The following FGFR1 variants were observed in gnomAD, a reference collection of about 807,000 sequenced individuals.
FGFR1 encodes FGFR1/PLAG1 fusion.
FGFR1 carries 18 observed loss-of-function variants against 93.7 expected under a neutral mutation model. That is an observed-to-expected ratio of 0.19 (90% CI 0.13 to 0.28). The LOEUF is 0.28. Ranked by LOEUF, FGFR1 falls within the 10% of genes least tolerant of loss-of-function variation. FGFR1 has a pLI of 1.00. For synonymous variants in FGFR1, 448 were observed against 429.3 expected, an observed-to-expected ratio of 1.04 and a Z score of -0.54; for missense variants, 731 against 1,080.4, an observed-to-expected ratio of 0.68 and a Z score of 4.53.
chr8:38,439,970 C>T (rs1826829847), intron 2 of FGFR1, among the ~76,000 whole-genome samples: 1 of 152,188 alleles, frequency 6.6e-6, no homozygotes. Flanking sequence ...AACTGGCCCC[C>T]AACAAAATCC....
rs2150920643 is a variant in FGFR1, at chr8:38,428,099, C to T, written c.449-6G>A. On this transcript the variant is annotated splice_polypyrimidine_tract_variant and splice_region_variant and intron_variant, in intron 4 of 17. Coordinates refer to ENST00000447712, the MANE Select transcript of FGFR1 (RefSeq NM_023110.3). ...TGTCCAATATGGAGCTACGGCTGCC[C>T]GGGGAAAGCCAAGAGAGACAGGCAG... The T allele has an allele frequency of 6.2e-7, 1 of 1,613,940 alleles. No homozygotes were observed. Among genetic ancestry groups the T allele is most frequent in the Non-Finnish European group, 8.5e-7 (1 of 1,180,028 alleles).
chr8:38,423,945 C>T (rs1338586756), intron 7 of FGFR1: 1 of 180,032 alleles, frequency 5.6e-6, no homozygotes, highest in African/African-American at 2.4e-5. Flanking sequence ...GAGATTTAGG[C>T]AATTACCTTC....
At chr8:38,461,258 A>C in intron 1 of FGFR1, 1 of 807,956 alleles carries the variant, frequency 1.2e-6, no homozygotes, top group Non-Finnish European at 1.9e-6. Flanking sequence ...TCCCACTTCT[A>C]AGAGAAAAAC....
chr8:38,432,956 C>G (rs907007133), intron 2 of FGFR1, among the ~76,000 whole-genome samples: 1 of 149,436 alleles, frequency 6.7e-6, no homozygotes, highest in East Asian at 2.0e-4. Context: ...CTGCATCCTC[C>G]CTGGCATGGC....
In FGFR1 at chr8:38,426,884, G is replaced by A. The variant is rs1586326164; in HGVS notation, c.622-639C>T. On this transcript the variant is annotated intron_variant, in intron 5 of 17. Coordinates refer to ENST00000447712, the MANE Select transcript of FGFR1 (RefSeq NM_023110.3). The surrounding 1 kb of genome is among the most constrained non-coding windows in gnomAD (Gnocchi z 4.1). Reference sequence around the variant, plus strand: ...TCCCAGCTCTTTGGGAGGCCCAGGCGGACAGATCACTTGAGGTCATGAGTT... The same window carrying A: ...TCCCAGCTCTTTGGGAGGCCCAGGCAGACAGATCACTTGAGGTCATGAGTT... 6.6e-6 allele frequency among the ~76,000 whole-genome samples: 1 copy of A among 152,136 alleles called. No homozygotes were observed. Among genetic ancestry groups the A allele is most frequent in the Admixed American group, 6.5e-5 (1 of 15,268 alleles).
chr8:38,414,386 G>A, intron 15 of FGFR1, 97 bp from the exon 16 acceptor site: 5 of 1,588,342 alleles, frequency 3.1e-6, no homozygotes, highest in Non-Finnish European at 4.3e-6. Flanking sequence ...GAGACAGCAT[G>A]GAGAACAGAT....
chr8:38,422,781 C>T (rs1246488507), intron 7 of FGFR1: 10 of 494,878 alleles, frequency 2.0e-5, no homozygotes, highest in Admixed American at 1.5e-4. Flanking sequence ...ACCGTGTCCC[C>T]GTGAGTCCTC....
Position 38,424,146 on chromosome 8 carries a change from G to A in FGFR1, c.936+363C>T. 7.2e-6 allele frequency: 3 copies of A among 417,512 alleles called. No individual in the cohort carries two copies. The highest frequency in any genetic ancestry group is 2.1e-5 in the South Asian group (1 of 47,966). The allele number at this position is 417,512 out of a possible 1,614,324, so 25.9% of individuals were successfully genotyped here. On this transcript the variant is annotated intron_variant, in intron 7 of 17. Transcript: ENST00000447712. The surrounding 1 kb of genome is among the most constrained non-coding windows in gnomAD (Gnocchi z 4.3). ...AAGATCGTACGTAACTCAGGACACA[G>A]GGCTAAGACTGGGAAACGCTTGGTG...
intron 1 of FGFR1, chr8:38,466,209 G>A (rs1019285599): frequency 1.7e-5 from 4 of 232,310 alleles, no homozygotes; most frequent in Non-Finnish European, 3.4e-5. Flanking sequence ...GAGCGCCTCT[G>A]GCAGCAGCCG....
chr8:38,448,900 A>T (rs1232482688), intron 2 of FGFR1, among the ~76,000 whole-genome samples: 2 of 152,208 alleles, frequency 1.3e-5, no homozygotes, highest in Non-Finnish European at 2.9e-5. Context: ...GGTTGCAGTG[A>T]GCCGAGATCG....
In FGFR1 at chr8:38,413,755, G is replaced by A. The variant is rs2150509930; in HGVS notation, c.2342C>T (p.Pro781Leu). ...GGAGCACGTAGAGCTCCGGGTGTCG[G>A]GAAAGCTGGGGGAGTACTGGTCCAG... Reference protein sequence around the residue: ...MPLDQYSPSFPDTRSSTCSSG... With the variant: ...MPLDQYSPSFLDTRSSTCSSG... The change falls in exon 18 of 18, where the codon CCC becomes CTC. Residue 781 changes from proline to leucine, a missense_variant. By Grantham distance (98) the Pro-to-Leu change is moderately conservative. This residue lies in a region of FGFR1 where 79 missense variants were observed against 97.2 expected (regional missense o/e 0.81). Coordinates refer to ENST00000447712, the MANE Select transcript of FGFR1 (RefSeq NM_023110.3). This position sits in a 1 kb window ranked among gnomAD's most constrained non-coding sequence, Gnocchi z 4.2. 6.2e-7 allele frequency: 1 copy of A among 1,614,152 alleles called. No individual in the cohort carries two copies.
rs1364552379 is a variant in FGFR1 at position 38,424,480 on chromosome 8, T to A, written c.936+29A>T. 1 of 1,613,704 alleles carries A rather than the reference T, an allele frequency of 6.2e-7. No homozygotes were observed. The highest frequency in any genetic ancestry group is 1.7e-5 in the Admixed American group (1 of 60,014). On this transcript the variant is annotated intron_variant, in intron 7 of 17. Transcript: ENST00000447712. The surrounding 1 kb of genome is among the most constrained non-coding windows in gnomAD (Gnocchi z 4.3). ...GACAGTGGTCTCCTTCCCAGTAGACTGGCCCACGAAGACTGGTGCCATGAT... is the reference window on the plus strand; with the variant it reads ...GACAGTGGTCTCCTTCCCAGTAGACAGGCCCACGAAGACTGGTGCCATGAT...
chr8:38,445,696 G>A (rs900804967), intron 2 of FGFR1, among the ~76,000 whole-genome samples: 15 of 150,954 alleles, frequency 9.9e-5, no homozygotes, highest in African/African-American at 2.9e-4. Context: ...CTGCCATCAC[G>A]CCCGGTTATT....
chr8:38,450,939 G>A (rs1696123522), intron 2 of FGFR1, among the ~76,000 whole-genome samples: 1 of 152,098 alleles, frequency 6.6e-6, no homozygotes, highest in Non-Finnish European at 1.5e-5. Flanking sequence ...CTCACAGGCC[G>A]AGGGCTGGGT....
chr8:38,435,418 G>C (rs1824982931), intron 2 of FGFR1: 1 of 152,176 alleles, frequency 6.6e-6, no homozygotes, highest in Non-Finnish European at 1.5e-5. Flanking sequence ...GTGTGTGTCA[G>C]GTTCTCCGTT....
intron 2 of FGFR1, among the ~76,000 whole-genome samples, chr8:38,455,888 T>G (rs1720224240): frequency 6.6e-6 from 1 of 152,164 alleles, no homozygotes; most frequent in African/African-American, 2.4e-5. Context: ...TACTTATCCC[T>G]GTACTTGCCC....
At chr8:38,437,820 A>G (rs1825952841) in intron 2 of FGFR1, among the ~76,000 whole-genome samples, 1 of 152,240 alleles carries the variant, frequency 6.6e-6, no homozygotes, top group South Asian at 2.1e-4. Flanking sequence ...TTCATGCCAC[A>G]TGGACAAACA....
intron 2 of FGFR1, among the ~76,000 whole-genome samples, chr8:38,438,404 G>A (rs1171936569): frequency 7.2e-5 from 11 of 151,988 alleles, no homozygotes; most frequent in African/African-American, 2.2e-4. Context: ...TTAGCCAGGC[G>A]TGGTGATGCA....
At chr8:38,447,981 C>A (rs765122375) in intron 2 of FGFR1, among the ~76,000 whole-genome samples, 2 of 152,144 alleles carry the variant, frequency 1.3e-5, no homozygotes, top group Non-Finnish European at 2.9e-5. Context: ...ATGTAGAGAA[C>A]TGGATCAACT....
Sources: allele counts gnomAD v4.1 joint callset (sites outside exome capture counted in the v4.1 genomes callset), GRCh38; gene constraint gnomAD v4.1.1; regional missense constraint gnomAD v4.1.1; non-coding constraint Gnocchi (gnomAD v3.1); transcripts MANE v1.5; gene names NCBI Gene and HGNC (gene_info 2026-07-23, HGNC 2026-07-21).